The following TENM3 variants were observed in gnomAD, a reference collection of about 807,000 sequenced individuals.
TENM3 encodes teneurin transmembrane protein 3.
In TENM3, 63 loss-of-function variants were observed where a neutral mutation model predicts 255.1. The observed-to-expected ratio is 0.25, with a 90% CI of 0.20 to 0.30. The LOEUF is 0.30. TENM3 is among the 10% of genes least tolerant of loss of function. The pLI is 1.00. For synonymous variants in TENM3, 1,306 were observed against 1,322.3 expected (o/e 0.99, Z 0.27); for missense variants, 2,929 against 3,461.1 (o/e 0.85, Z 3.86).
the TENM3 span, among the ~76,000 whole-genome samples, chr4:182,061,044 G>T: frequency 6.1e-4 from 93 of 152,220 alleles, no homozygotes; most frequent in Admixed American, 1.0e-3. Flanking sequence ...ACCAGATGAG[G>T]TTGCACATAC....
chr4:182,159,145 G>GC (rs1436658341), intron 1 of TENM3, among the ~76,000 whole-genome samples: 1 of 152,166 alleles, frequency 6.6e-6, no homozygotes, highest in East Asian at 1.9e-4. Flanking sequence ...CTGGCCCGGG[G>GC]CCCCCACACA....
At chr4:182,467,658 C>G (rs1275655141) in intron 3 of TENM3, among the ~76,000 whole-genome samples, 1 of 152,136 alleles carries the variant, frequency 6.6e-6, no homozygotes, top group East Asian at 1.9e-4. Flanking sequence ...AAGGAGGCCA[C>G]AGAGAAGAGA....
chr4:181,610,825 G>A, the TENM3 span, among the ~76,000 whole-genome samples: 5,921 of 152,172 alleles, frequency 0.039, 394 homozygotes, highest in African/African-American at 0.13. Context: ...AGAACAAGAA[G>A]TATAAGAATC....
intron 3 of TENM3, among the ~76,000 whole-genome samples, chr4:182,481,270 T>C (rs1006390650): frequency 1.3e-5 from 2 of 152,172 alleles, no homozygotes; most frequent in Non-Finnish European, 2.9e-5. Context: ...GATATAAACC[T>C]AAAAGTTAAA....
the TENM3 span, among the ~76,000 whole-genome samples, chr4:181,685,942 A>C: frequency 6.6e-6 from 1 of 152,170 alleles, no homozygotes; most frequent in Non-Finnish European, 1.5e-5. Flanking sequence ...TCAGGGTGTT[A>C]GTATTACTTG....
At chr4:181,829,958 C>T in the TENM3 span, 1 of 152,348 alleles carries the variant, frequency 6.6e-6, no homozygotes, top group Non-Finnish European at 1.5e-5. Flanking sequence ...AAATTAAGTA[C>T]TTGCTCTTGA....
intron 3 of TENM3, among the ~76,000 whole-genome samples, chr4:182,598,647 C>A (rs913032135): frequency 6.6e-6 from 1 of 152,160 alleles, no homozygotes; most frequent in African/African-American, 2.4e-5. Context: ...TTACCATTTA[C>A]ACAGAGCTTT....
intron 3 of TENM3, among the ~76,000 whole-genome samples, chr4:182,386,770 G>A (rs1767962312): frequency 6.6e-6 from 1 of 152,232 alleles, no homozygotes; most frequent in Non-Finnish European, 1.5e-5. Flanking sequence ...TTCTCGCCGG[G>A]CCTTAGCTGC....
At chr4:181,460,756 C>T in the TENM3 span, among the ~76,000 whole-genome samples, 2 of 150,236 alleles carry the variant, frequency 1.3e-5, no homozygotes, top group Non-Finnish European at 3.0e-5. Context: ...ACATATACCA[C>T]TTCACATTTC....
intron 3 of TENM3, among the ~76,000 whole-genome samples, chr4:182,511,566 C>T (rs1237587065): frequency 6.6e-6 from 1 of 152,168 alleles, no homozygotes; most frequent in Non-Finnish European, 1.5e-5. Context: ...AAGAGAACTT[C>T]AGTGTAAAAT....
At chr4:182,672,360 G>T (rs949826031) in intron 6 of TENM3, among the ~76,000 whole-genome samples, 3 of 152,092 alleles carry the variant, frequency 2.0e-5, no homozygotes, top group Non-Finnish European at 4.4e-5. Context: ...TTTGAAATGA[G>T]GCTCAAAAGA....
At chr4:182,788,536 C>T (rs112238021) in intron 24 of TENM3, among the ~76,000 whole-genome samples, 114 of 152,282 alleles carry the variant, frequency 7.5e-4, no homozygotes, top group African/African-American at 2.6e-3. Flanking sequence ...CAAAGAAAGA[C>T]GCCTTCTCAA....
At chr4:182,511,825 T>G (rs1191356210) in intron 3 of TENM3, among the ~76,000 whole-genome samples, 3 of 152,098 alleles carry the variant, frequency 2.0e-5, no homozygotes, top group Non-Finnish European at 4.4e-5. Context: ...TAGAAAAAAA[T>G]TAATATTTAT....
At chr4:181,503,868 G>T in the TENM3 span, among the ~76,000 whole-genome samples, 4 of 152,096 alleles carry the variant, frequency 2.6e-5, no homozygotes, top group South Asian at 4.1e-4. Context: ...TTCCTGCTCC[G>T]CTCGGAAGGA....
the TENM3 span, among the ~76,000 whole-genome samples, chr4:181,497,623 G>A: frequency 4.6e-5 from 7 of 152,012 alleles, no homozygotes; most frequent in African/African-American, 1.4e-4. Context: ...TGTTCAAATC[G>A]AAAGAAAAAG....
intron 2 of TENM3, among the ~76,000 whole-genome samples, chr4:182,345,660 G>A (rs1301318052): frequency 1.3e-5 from 2 of 152,098 alleles, no homozygotes; most frequent in African/African-American, 4.8e-5. Flanking sequence ...ATCCATAGTA[G>A]TATAAAACGT....
At chr4:181,623,085 T>C in the TENM3 span, among the ~76,000 whole-genome samples, 627 of 152,146 alleles carry the variant, frequency 4.1e-3, 10 homozygotes, top group East Asian at 0.018. Flanking sequence ...TGGAAATAAG[T>C]TCGAATTAAA....
chr4:182,566,283 C>T (rs536156590), intron 3 of TENM3, among the ~76,000 whole-genome samples: 15 of 152,248 alleles, frequency 9.9e-5, no homozygotes, highest in Admixed American at 1.3e-4. Flanking sequence ...TTGTTTGTGA[C>T]GCGATTTGGT....
At chr4:181,520,883 A>G in the TENM3 span, among the ~76,000 whole-genome samples, 408 of 152,334 alleles carry the variant, frequency 2.7e-3, 4 homozygotes, top group Middle Eastern at 3.4e-3. Flanking sequence ...TGTGGCATAA[A>G]TTAAAAGTAA....
Sources: gnomAD v4.1 joint callset for allele counts (sites outside exome capture counted in the v4.1 genomes callset) on GRCh38, gnomAD v4.1.1 for gene constraint, MANE v1.5 for transcripts, NCBI Gene and HGNC (gene_info 2026-07-23, HGNC 2026-07-21) for gene names.